The following IRAG1 variants were observed in gnomAD, a reference collection of about 807,000 sequenced individuals.
The protein encoded by IRAG1 is IP3R-associated cGMP kinase substrate.
A neutral mutation model predicts 106.2 loss-of-function variants in IRAG1; 62 were observed. The ratio of observed to expected loss-of-function variants is 0.58; its 90% confidence interval spans 0.48 to 0.72. The LOEUF is 0.72. Ranked by LOEUF, IRAG1 falls within the 30% of genes least tolerant of loss-of-function variation. The pLI, the probability that IRAG1 is intolerant of heterozygous loss-of-function variation, is 0.00. For synonymous variants in IRAG1, 462 were observed against 443.9 expected (o/e 1.04, Z -0.51); for missense variants, 1,064 against 1,140.7 (o/e 0.93, Z 0.97).
rs201928478 is a variant in IRAG1 at position 10,607,954 on chromosome 11, A to C, written c.1572-1182T>G. On this transcript the variant is annotated intron_variant, in intron 11 of 20. Coordinates refer to ENST00000423302, the MANE Select transcript of IRAG1 (RefSeq NM_130385.4). ...CATCTACAGCATACACATATGATTT[A>C]AATGATTTGGCAAAACTTGCCAAGT... 2.0e-5 allele frequency among the ~76,000 whole-genome samples: 3 copies of C among 152,350 alleles called. No individual in the cohort carries two copies. In the East Asian group the frequency reaches 5.8e-4, roughly 29 times the overall value.
chr11:10,590,842 G>C (rs1391722613), intron 18 of IRAG1, among the ~76,000 whole-genome samples: 3 of 152,166 alleles, frequency 2.0e-5, no homozygotes, highest in Non-Finnish European at 4.4e-5. Flanking sequence ...ACATGATTCT[G>C]TTCAGGAATT....
chr11:10,679,988 T>C (rs1490363932), intron 1 of IRAG1, among the ~76,000 whole-genome samples: 1 of 152,034 alleles, frequency 6.6e-6, no homozygotes, highest in Non-Finnish European at 1.5e-5. Context: ...AAAACTCCAC[T>C]CTGGGCCAGG....
chr11:10,625,615 C>A (rs1309759543), intron 9 of IRAG1, among the ~76,000 whole-genome samples: 1 of 152,058 alleles, frequency 6.6e-6, no homozygotes, highest in African/African-American at 2.4e-5. Context: ...CAAGGGATTC[C>A]TGTTTATGAG....
At chr11:10,630,238 C>T (rs1167066291) in intron 4 of IRAG1, among the ~76,000 whole-genome samples, 2 of 152,186 alleles carry the variant, frequency 1.3e-5, no homozygotes, top group African/African-American at 4.8e-5. Context: ...CTCAGGATCA[C>T]AGGAGTCACT....
rs570852385 is a variant in IRAG1 at position 10,604,652 on chromosome 11, C to G, written c.1603-107G>C. ...CGTTTTGCAACGGCCCCTGGAACAG[C>G]CGCCAAAGCACCAAAGCAGCCATGT... On this transcript the variant is annotated intron_variant, in intron 12 of 20. Coordinates refer to ENST00000423302, the MANE Select transcript of IRAG1 (RefSeq NM_130385.4). 18 of 1,338,182 alleles carry G rather than the reference C, an allele frequency of 1.3e-5. No individual in the cohort carries two copies. In the African/African-American group the frequency reaches 2.2e-4, roughly 16 times the overall value. 82.9% of individuals were successfully genotyped at this position (1,338,182 alleles called of 1,614,324 possible). A position where few individuals can be genotyped will look rare whatever the true frequency, so the allele number is the denominator to read the frequency against.
intron 1 of IRAG1, among the ~76,000 whole-genome samples, chr11:10,666,120 T>C (rs1166318960): frequency 6.6e-6 from 1 of 152,154 alleles, no homozygotes; most frequent in African/African-American, 2.4e-5. Flanking sequence ...AGAGAATTTC[T>C]CCGCAGGGGA....
Position 10,575,448 on chromosome 11 carries a change from G to C in IRAG1, c.*884C>G, listed in dbSNP as rs545717727. On this transcript the variant is annotated 3_prime_UTR_variant, in exon 21 of 21. Transcript: ENST00000423302. ...TGGCATTTGAAATGGAGACTAGTAA[G>C]TCTGCCATTGAAGCCATGAGTTTTC... The C allele has an allele frequency of 6.6e-6, 1 of 152,374 alleles. No homozygotes were observed. Among genetic ancestry groups the C allele is most frequent in the South Asian group, 2.1e-4 (1 of 4,832 alleles). The allele number at this position is 152,374 out of a possible 1,614,324, so 9.4% of individuals were successfully genotyped here.
intron 1 of IRAG1, among the ~76,000 whole-genome samples, chr11:10,656,939 G>A (rs1031610637): frequency 6.6e-6 from 1 of 152,118 alleles, no homozygotes; most frequent in Non-Finnish European, 1.5e-5. Context: ...GGGAGGCAGA[G>A]GGGAGGAAAC....
intron 13 of IRAG1, 27 bp downstream of exon 13, chr11:10,604,378 A>T: frequency 6.2e-7 from 1 of 1,613,664 alleles, no homozygotes; most frequent in Non-Finnish European, 8.5e-7. Flanking sequence ...TGCTCCAGGG[A>T]TTCCTCACAT....
Position 10,576,053 on chromosome 11 carries a change from C to A in IRAG1, c.*279G>T. On this transcript the variant is annotated 3_prime_UTR_variant, in exon 21 of 21. Transcript: ENST00000423302. ...TTTTAGTTCTCCCCAGCCACCTGAG[C>A]TAGGGGCAGGAGACCTTCCCTTCCA... 2.3e-6 allele frequency: 1 copy of A among 427,934 alleles called. No individual in the cohort carries two copies. Among genetic ancestry groups the A allele is most frequent in the Admixed American group, 3.5e-5 (1 of 28,672 alleles). The allele number at this position is 427,934 out of a possible 1,614,324, so 26.5% of individuals were successfully genotyped here. A position where few individuals can be genotyped will look rare whatever the true frequency, so the allele number is the denominator to read the frequency against.
chr11:10,603,752 A>G (rs1320080767), intron 13 of IRAG1, among the ~76,000 whole-genome samples: 1 of 152,074 alleles, frequency 6.6e-6, no homozygotes, highest in Non-Finnish European at 1.5e-5. Context: ...AGGAGAGTGG[A>G]GCCCCACGAA....
In IRAG1 at chr11:10,609,766, C is replaced by G. The variant is rs772938972; in HGVS notation, c.1533G>C (p.Leu511=). 1.2e-6 allele frequency: 2 copies of G among 1,613,898 alleles called. No homozygotes were observed. The highest frequency in any genetic ancestry group is 1.7e-6 in the Non-Finnish European group (2 of 1,179,838). ...TCCTGTGGACCCGCAGTTTGCGCAGCAGCACATCAGAAATATTAGGCATGA... is the reference window on the plus strand; with the variant it reads ...TCCTGTGGACCCGCAGTTTGCGCAGGAGCACATCAGAAATATTAGGCATGA... The part of the protein sequence containing the change: ...LDVMPNISDV[L]LRKLRVHRSL... Residue 511 remains leucine, a synonymous_variant, in exon 11 of 21, where the codon CTG becomes CTC. Coordinates refer to ENST00000423302, the MANE Select transcript of IRAG1 (RefSeq NM_130385.4).
intron 18 of IRAG1, chr11:10,585,923 C>G (rs796817782): frequency 6.6e-5 from 10 of 152,012 alleles, no homozygotes; most frequent in African/African-American, 2.4e-4. Context: ...TCAATAGAAG[C>G]CTTCCATGAA....
Position 10,612,196 on chromosome 11 carries a change from C to T in IRAG1, c.1448-2345G>A, listed in dbSNP as rs558296843. ...CTTCCTTTCTTAGCAGAGGAGTAGC[C>T]GTTGGGAAGCATTGGGTCAAGTCTG... is the stretch of plus-strand genomic sequence containing the variant. On this transcript the variant is annotated intron_variant, in intron 10 of 20. Coordinates refer to ENST00000423302, the MANE Select transcript of IRAG1 (RefSeq NM_130385.4). Among the ~76,000 whole-genome samples the T allele has an allele frequency of 7.2e-5, 11 of 152,214 alleles. No individual in the cohort carries two copies. In the South Asian group the frequency reaches 2.1e-3, roughly 29 times the overall value.
At position 10,629,589 on chromosome 11, in the gene IRAG1, G is replaced by A. The variant is rs201859877; in HGVS notation, c.523C>T (p.Leu175=). Residue 175 remains leucine, a synonymous_variant, in exon 5 of 21, where the codon CTG becomes TTG. Transcript: ENST00000423302. ...EEAKLVSERF[L]TRRGRKSRSS... ...CTGGACTTCCTCCCACGGCGGGTCA[G>A]GAATCGCTCACTCACCAACTTGGCT... 5,227 of 1,613,966 alleles carry A rather than the reference G, an allele frequency of 3.2e-3. 19 individuals are homozygous for A. The highest frequency in any genetic ancestry group is 4.0e-3 in the Non-Finnish European group (4,716 of 1,179,856).
intron 11 of IRAG1, among the ~76,000 whole-genome samples, chr11:10,608,521 G>A (rs1364259661): frequency 1.3e-5 from 2 of 152,134 alleles, no homozygotes; most frequent in Non-Finnish European, 1.5e-5. Context: ...AAGCCACATG[G>A]TATGTCTGGT....
chr11:10,680,558 G>T (rs1416028848), intron 1 of IRAG1, among the ~76,000 whole-genome samples: 2 of 149,118 alleles, frequency 1.3e-5, no homozygotes, highest in Admixed American at 1.3e-4. Context: ...GAAGGGGAAG[G>T]GGAAGGGGAA....
intron 1 of IRAG1, among the ~76,000 whole-genome samples, chr11:10,678,786 T>C (rs1342459301): frequency 2.6e-5 from 4 of 152,210 alleles, no homozygotes; most frequent in Non-Finnish European, 2.9e-5. Flanking sequence ...ATCGAAGCTT[T>C]TTCCTGGGGC....
chr11:10,608,354 T>C (rs941772555), intron 11 of IRAG1, among the ~76,000 whole-genome samples: 8 of 152,124 alleles, frequency 5.3e-5, no homozygotes, highest in Non-Finnish European at 1.2e-4. Context: ...GGTCTTAAAC[T>C]CTTGGCCTCA....
Sources: gnomAD v4.1 joint callset for allele counts (sites outside exome capture counted in the v4.1 genomes callset) on GRCh38, gnomAD v4.1.1 for gene constraint, MANE v1.5 for transcripts, NCBI Gene and HGNC (gene_info 2026-07-23, HGNC 2026-07-21) for gene names.